CARD14: variants seen among roughly 807,000 people sequenced by gnomAD.
CARD14 encodes caspase recruitment domain-containing protein 14.
In CARD14, 107 loss-of-function variants were observed where a neutral mutation model predicts 111.5. That is an observed-to-expected ratio of 0.96 (90% CI 0.82 to 1.13). The LOEUF (loss-of-function observed/expected upper bound fraction) is 1.13, where lower values mean the gene tolerates loss of function less well. Ranked by LOEUF, CARD14 falls within the 50% of genes most tolerant of loss-of-function variation. CARD14 has a pLI of 0.00. For missense variants in CARD14, 1,322 were observed against 1,362.3 expected, an observed-to-expected ratio of 0.97 and a Z score of 0.47; for synonymous variants, 617 against 579.6, an observed-to-expected ratio of 1.06 and a Z score of -0.93.
chr17:80,171,120 C>A (rs1239790948), intron 1 of CARD14, among the ~76,000 whole-genome samples: 2 of 150,000 alleles, frequency 1.3e-5, no homozygotes, highest in African/African-American at 4.9e-5. Flanking sequence ...GGATTACGGG[C>A]GTGAGCCACG....
intron 21 of CARD14, 31 bp from the exon 22 acceptor site, chr17:80,205,500 C>G: frequency 6.4e-7 from 1 of 1,572,878 alleles, no homozygotes; most frequent in Non-Finnish European, 8.6e-7. Flanking sequence ...CACAGCTGGT[C>G]TATGATGGCC....
In CARD14 at chr17:80,181,569, G is replaced by A. The variant is rs746969281; in HGVS notation, c.131G>A (p.Arg44His). 2.9e-5 allele frequency: 46 copies of A among 1,566,140 alleles called. No homozygotes were observed. Among genetic ancestry groups the A allele is most frequent in the African/African-American group, 4.1e-5 (3 of 73,554 alleles). ...ICPSRLTPYLRQAKVLCQLDE... is the reference protein window; with the variant it reads ...ICPSRLTPYLHQAKVLCQLDE... ...CCCAGCCGCCTCACCCCCTACCTGCGCCAGGCCAAGGTGCTGTGCCAGCTG... is the reference window on the plus strand; with the variant it reads ...CCCAGCCGCCTCACCCCCTACCTGCACCAGGCCAAGGTGCTGTGCCAGCTG... Residue 44 changes from arginine to histidine, a missense_variant, in exon 5 of 24, where the codon CGC (arginine) becomes CAC (histidine). Physicochemically the swap from Arg to His is conservative, Grantham distance 29. Coordinates refer to ENST00000648509, the MANE Select transcript of CARD14 (RefSeq NM_001366385.1).
intron 1 of CARD14, among the ~76,000 whole-genome samples, chr17:80,172,536 A>G (rs1426583358): frequency 2.0e-5 from 3 of 152,168 alleles, no homozygotes; most frequent in Non-Finnish European, 2.9e-5. Flanking sequence ...TGCCGCTTTC[A>G]TCGGGGCTGA....
rs1238031435 is a variant in CARD14, at chr17:80,202,180, G to C, written c.1979G>C (p.Gly660Ala). 2 of 1,613,002 alleles carry C rather than the reference G, an allele frequency of 1.2e-6. No homozygotes were observed. Among genetic ancestry groups the C allele is most frequent in the East Asian group, 4.5e-5 (2 of 44,858 alleles). ...CCLSVKVNTDGYKRLLQDLEA... is the reference protein window; with the variant it reads ...CCLSVKVNTDAYKRLLQDLEA... ...TGTGGCTCATGTCCCCTTTTATCAG[G>C]TTATAAGAGGCTACTCCAGGACCTG... Residue 660 changes from glycine (G) to alanine (A), a missense_variant and splice_region_variant, in exon 18 of 24, where the codon GGT becomes GCT. Transcript: ENST00000648509.
rs371836105 is a variant in CARD14 at position 80,174,305 on chromosome 17, C to T, written c.-367+1077C>T. ...TCAGCTCACTGCAGCCTCTGCCTCC[C>T]GGGTTTAAGCGATTCTCCTGCCTCA... On this transcript the variant is annotated intron_variant, in intron 2 of 23. Coordinates refer to ENST00000648509, the MANE Select transcript of CARD14 (RefSeq NM_001366385.1). 1.4e-3 allele frequency among the ~76,000 whole-genome samples: 210 copies of T among 152,270 alleles called. 1 individual carries two copies. Among genetic ancestry groups the T allele is most frequent in the Middle Eastern group, 6.8e-3 (2 of 294 alleles).
Position 80,195,515 on chromosome 17 carries a change from G to T in CARD14, c.1500-43G>T. On this transcript the variant is annotated intron_variant, in intron 13 of 23. Coordinates refer to ENST00000648509, the MANE Select transcript of CARD14 (RefSeq NM_001366385.1). The surrounding 1 kb of genome is among the most constrained non-coding windows in gnomAD (Gnocchi z 4.7). ...CTTGGGGCGTGGGGACTCAGAGGGA[G>T]CAGGTGATGCAGTTTGAGCCTGCTG... The T allele has an allele frequency of 6.4e-7, 1 of 1,573,016 alleles. No homozygotes were observed.
intron 2 of CARD14, among the ~76,000 whole-genome samples, chr17:80,176,439 C>CAAAA (rs11290027): frequency 7.2e-5 from 7 of 96,822 alleles, no homozygotes; most frequent in South Asian, 3.6e-4. Flanking sequence ...GACCTTGTCT[C>CAAAA]AAAAAAAAAA....
At position 80,205,654 on chromosome 17, in the gene CARD14, TGAGGTCAAGGGCGG is replaced by T. The variant is rs1288452612; in HGVS notation, c.2691+4_2691+17del. On this transcript the variant is annotated splice_donor_5th_base_variant and intron_variant, in intron 22 of 23. Coordinates refer to ENST00000648509, the MANE Select transcript of CARD14 (RefSeq NM_001366385.1). ...GCTGTGGAGTCCCTCATGGAAAAGG[TGAGGTCAAGGGCGG>T]GGTGGGCAGGGGAGCTGTCCTGGGA... 6 of 1,554,156 alleles carry T rather than the reference TGAGGTCAAGGGCGG, an allele frequency of 3.9e-6. No individual in the cohort carries two copies. Among genetic ancestry groups the T allele is most frequent in the Non-Finnish European group, 5.2e-6 (6 of 1,149,858 alleles).
Position 80,208,278 on chromosome 17 carries a change from G to T in CARD14, c.2948G>T (p.Ser983Ile). 1.3e-6 allele frequency: 2 copies of T among 1,599,236 alleles called. No individual in the cohort carries two copies. The highest frequency in any genetic ancestry group is 1.7e-6 in the Non-Finnish European group (2 of 1,174,610). The change falls in exon 24 of 24, where the codon AGC becomes ATC. Residue 983 changes from serine to isoleucine, a missense_variant. Transcript: ENST00000648509. ...DGWSDLDGLL[S>I]CVRQAIADEQ... Reference sequence around the variant, plus strand: ...TGGAGCGACCTGGACGGCCTGCTCAGCTGTGTCCGCCAGGCCATCGCCGAC... The same window carrying T: ...TGGAGCGACCTGGACGGCCTGCTCATCTGTGTCCGCCAGGCCATCGCCGAC...
intron 7 of CARD14, among the ~76,000 whole-genome samples, chr17:80,185,555 A>G (rs1395704041): frequency 6.6e-6 from 1 of 152,100 alleles, no homozygotes; most frequent in East Asian, 1.9e-4. Context: ...GCCCCTATAT[A>G]GCCACAGTGC....
At chr17:80,187,754 A>G in intron 7 of CARD14, 1 of 985,430 alleles carries the variant, frequency 1.0e-6, no homozygotes, top group African/African-American at 1.7e-5. Context: ...CAGGACGGGA[A>G]GAGGGCGGGC....
intron 11 of CARD14, chr17:80,192,239 T>G: frequency 2.8e-6 from 1 of 358,912 alleles, no homozygotes; most frequent in South Asian, 4.4e-5. Flanking sequence ...TTATACATTA[T>G]TCGTAAAACT....
At chr17:80,184,423 GC>G (rs1236496809) in intron 7 of CARD14, among the ~76,000 whole-genome samples, 185 bp downstream of exon 7, 7 of 152,076 alleles carry the variant, frequency 4.6e-5, no homozygotes, top group Non-Finnish European at 7.4e-5. Flanking sequence ...GGCCACCCAG[GC>G]CCCTCTGTGT....
chr17:80,194,810 C>G (rs2040651488), intron 12 of CARD14, among the ~76,000 whole-genome samples: 1 of 152,182 alleles, frequency 6.6e-6, no homozygotes, highest in African/African-American at 2.4e-5. Context: ...GTTATCTCCA[C>G]CTGGTCCCAC....
Position 80,195,568 on chromosome 17 carries a change from G to A in CARD14, c.1510G>A (p.Glu504Lys), listed in dbSNP as rs2040681709. ...GCTTATGCTTTGCAGCAGCTGCCTG[G>A]AGATCCCGGAGGGAGACCCGGGAGC... ...EEPWSFSSCL[E>K]IPEGDPGALP... is the part of the protein sequence containing the mutation. The change falls in exon 14 of 24, where the codon GAG (glutamate) becomes AAG (lysine). Residue 504 changes from glutamate (E) to lysine (K), a missense_variant. Glu to Lys is a moderately conservative substitution (Grantham distance 56). Transcript: ENST00000648509. The surrounding 1 kb of genome is among the most constrained non-coding windows in gnomAD (Gnocchi z 4.7). 1.2e-6 allele frequency: 2 copies of A among 1,611,616 alleles called. No individual in the cohort carries two copies. The highest frequency in any genetic ancestry group is 1.3e-5 in the African/African-American group (1 of 74,916).
In CARD14 at chr17:80,202,174, T is replaced by A; in HGVS notation, c.1979-6T>A. On this transcript the variant is annotated splice_region_variant and splice_polypyrimidine_tract_variant and intron_variant, in intron 17 of 23. Coordinates refer to ENST00000648509, the MANE Select transcript of CARD14 (RefSeq NM_001366385.1). Reference sequence around the variant, plus strand: ...CTCATCTGTGGCTCATGTCCCCTTTTATCAGGTTATAAGAGGCTACTCCAG... The same window carrying A: ...CTCATCTGTGGCTCATGTCCCCTTTAATCAGGTTATAAGAGGCTACTCCAG... 6.2e-7 allele frequency: 1 copy of A among 1,607,366 alleles called. No individual in the cohort carries two copies. The highest frequency in any genetic ancestry group is 2.2e-5 in the East Asian group (1 of 44,690).
rs2040422089 is a variant in CARD14, at chr17:80,188,650, A to G, written c.843+106A>G. On this transcript the variant is annotated intron_variant, in intron 8 of 23. Transcript: ENST00000648509. This position sits in a 1 kb window ranked among gnomAD's most constrained non-coding sequence, Gnocchi z 4.5. ...GTTTAGTTAAGGTGAGGCTAAGAAC[A>G]AGAGATGAAATTTAGTGACTCATCT... 10 of 1,189,556 alleles carry G rather than the reference A, an allele frequency of 8.4e-6. No homozygotes were observed. Among genetic ancestry groups the G allele is most frequent in the Non-Finnish European group, 1.1e-5 (10 of 920,478 alleles). 73.7% of individuals were successfully genotyped at this position (1,189,556 alleles called of 1,614,324 possible).
chr17:80,190,929 C>A (rs2040506139), intron 10 of CARD14, 30 bp downstream of exon 10: 1 of 1,605,930 alleles, frequency 6.2e-7, no homozygotes, highest in African/African-American at 1.3e-5. Context: ...CACCCCGCCA[C>A]CCCATGCTTG....
At chr17:80,187,681 G>C (rs532775553) in intron 7 of CARD14, 1 of 894,224 alleles carries the variant, frequency 1.1e-6, no homozygotes, top group Non-Finnish European at 1.3e-6. Context: ...CACCCACCCC[G>C]ACGTGCAGAC....
Sources: gnomAD v4.1 joint callset for allele counts (sites outside exome capture counted in the v4.1 genomes callset) on GRCh38, gnomAD v4.1.1 for gene constraint, Gnocchi (gnomAD v3.1) non-coding constraint, MANE v1.5 for transcripts, NCBI Gene and HGNC (gene_info 2026-07-23, HGNC 2026-07-21) for gene names.